The following SBNO2 variants were observed in gnomAD, a reference collection of about 807,000 sequenced individuals.
SBNO2 encodes the protein protein strawberry notch homolog 2.
SBNO2 carries 89 observed loss-of-function variants against 146.3 expected under a neutral mutation model. That is an observed-to-expected ratio of 0.61 (90% confidence interval 0.51 to 0.73). The LOEUF is 0.73. Ranked by LOEUF, SBNO2 falls within the 30% of genes least tolerant of loss-of-function variation. The pLI, the probability that SBNO2 is intolerant of heterozygous loss-of-function variation, is 0.00. For missense variants in SBNO2, 2,092 were observed against 2,003.7 expected (o/e 1.04, Z -0.84); for synonymous variants, 1,147 against 892.6 (o/e 1.29, Z -5.08).
chr19:1,158,954 T>C lies in SBNO2; in HGVS notation c.-126-4552A>G, dbSNP rs1180516308. ...GCAGCCGCGACCCCACCTGCAGCCGTGACCCCACTTGCAGCTGCAACCGCC... is the reference window on the plus strand; with the variant it reads ...GCAGCCGCGACCCCACCTGCAGCCGCGACCCCACTTGCAGCTGCAACCGCC... On this transcript the variant is annotated intron_variant, in intron 1 of 31. Coordinates refer to ENST00000361757, the MANE Select transcript of SBNO2 (RefSeq NM_014963.3). The surrounding 1 kb of genome is among the most constrained non-coding windows in gnomAD (Gnocchi z 9.9). Among the ~76,000 whole-genome samples the C allele has an allele frequency of 1.4e-5, 2 of 138,428 alleles. No individual in the cohort carries two copies. Among genetic ancestry groups the C allele is most frequent in the African/African-American group, 2.8e-5 (1 of 35,466 alleles). The allele number at this position is 138,428 out of a possible 152,430, so 90.8% of individuals were successfully genotyped here.
intron 5 of SBNO2, 94 bp from the exon 6 acceptor site, chr19:1,124,116 T>G (rs774487492): frequency 5.1e-6 from 6 of 1,176,554 alleles, no homozygotes; most frequent in Non-Finnish European, 7.4e-6. Flanking sequence ...GGCTCCCCAC[T>G]GCCCCGTCCT....
At chr19:1,122,842 C>T (rs998614762) in intron 8 of SBNO2, 51 bp from the exon 9 acceptor site, 16 of 1,537,302 alleles carry the variant, frequency 1.0e-5, no homozygotes, top group Non-Finnish European at 1.4e-5. Context: ...CCCGGCCCCT[C>T]CCCAGGGGCC....
intron 1 of SBNO2, among the ~76,000 whole-genome samples, chr19:1,163,150 G>A (rs1271350314): frequency 6.6e-6 from 1 of 152,210 alleles, no homozygotes; most frequent in Non-Finnish European, 1.5e-5. Context: ...CCTGTGGGTG[G>A]GGCCTTATTT....
At chr19:1,135,793 G>T (rs1346095922) in intron 4 of SBNO2, among the ~76,000 whole-genome samples, 1 of 152,170 alleles carries the variant, frequency 6.6e-6, no homozygotes, top group Non-Finnish European at 1.5e-5. Flanking sequence ...AGGGGGCTGG[G>T]GGGCAGACAG....
chr19:1,132,861 C>T (rs1318774172), intron 4 of SBNO2, among the ~76,000 whole-genome samples: 1 of 152,230 alleles, frequency 6.6e-6, no homozygotes, highest in Non-Finnish European at 1.5e-5. Flanking sequence ...CTGGCCAGAC[C>T]CGGCCTCGGC....
In SBNO2 at chr19:1,108,188, G is replaced by A. The variant is rs1053767709; in HGVS notation, c.*32C>T. The A allele has an allele frequency of 7.9e-6, 12 of 1,512,522 alleles. No individual in the cohort carries two copies. The highest frequency in any genetic ancestry group is 1.4e-5 in the African/African-American group (1 of 69,544). 93.7% of individuals were successfully genotyped at this position (1,512,522 alleles called of 1,614,324 possible). A position where few individuals can be genotyped will look rare whatever the true frequency, so the allele number is the denominator to read the frequency against. ...TGCTCCTAGGGGAGAAACGGTCCCT[G>A]TGTCTTGGGGCATGTTTCGCCTAAA... On this transcript the variant is annotated 3_prime_UTR_variant, in exon 32 of 32. Transcript: ENST00000361757.
chr19:1,142,613 G>A (rs1220327462), intron 4 of SBNO2, among the ~76,000 whole-genome samples: 3 of 152,230 alleles, frequency 2.0e-5, no homozygotes, highest in East Asian at 1.9e-4. Flanking sequence ...TTGGGAGGCA[G>A]AGGTTGCAGT....
Position 1,144,812 on chromosome 19 carries a change from AGAGACAGAGAGG to A in SBNO2, c.279+2485_279+2496del, listed in dbSNP as rs1163302768. 4.6e-5 allele frequency among the ~76,000 whole-genome samples: 7 copies of A among 151,094 alleles called. No homozygotes were observed. The highest frequency in any genetic ancestry group is 1.5e-4 in the African/African-American group (6 of 40,942). ...GAGACAGAGAGGGAGACAGAGAGAC[AGAGACAGAGAGG>A]GAGACAGAGAGACAGGGGCAGAGAC... is the stretch of plus-strand genomic sequence containing the variant. On this transcript the variant is annotated intron_variant, in intron 4 of 31. Transcript: ENST00000361757. The surrounding 1 kb of genome is among the most constrained non-coding windows in gnomAD (Gnocchi z 4.1).
At position 1,150,998 on chromosome 19, in the gene SBNO2, C is replaced by A. The variant is rs1000011064; in HGVS notation, c.94-1556G>T. Among the ~76,000 whole-genome samples, 1 of 152,266 alleles carries A rather than the reference C, an allele frequency of 6.6e-6. No homozygotes were observed. Among genetic ancestry groups the A allele is most frequent in the Non-Finnish European group, 1.5e-5 (1 of 68,040 alleles). On this transcript the variant is annotated intron_variant, in intron 2 of 31. Coordinates refer to ENST00000361757, the MANE Select transcript of SBNO2 (RefSeq NM_014963.3). The surrounding 1 kb of genome is among the most constrained non-coding windows in gnomAD (Gnocchi z 6.2). The stretch of plus-strand genomic sequence containing the variant: ...AGCCTGGGCACCCTGAGCTCCTGCA[C>A]CCGTGAGAAGACCCCGTGCAAGTGG...
chr19:1,167,508 G>A (rs1411397548), intron 1 of SBNO2, among the ~76,000 whole-genome samples: 4 of 152,208 alleles, frequency 2.6e-5, no homozygotes, highest in Admixed American at 6.5e-5. Context: ...CCCTGCTTTC[G>A]GGGAGCCACG....
Position 1,109,844 on chromosome 19 carries a change from C to A in SBNO2, c.3029-67G>T. ...ACTGTGGGCTGGGGCCAGGGTCAGT[C>A]CCGTAGCCGGGGCGCACCCTAGAGA... On this transcript the variant is annotated intron_variant, in intron 26 of 31. Coordinates refer to ENST00000361757, the MANE Select transcript of SBNO2 (RefSeq NM_014963.3). The surrounding 1 kb of genome is among the most constrained non-coding windows in gnomAD (Gnocchi z 4.2). 2 of 1,274,088 alleles carry A rather than the reference C, an allele frequency of 1.6e-6. No homozygotes were observed. Among genetic ancestry groups the A allele is most frequent in the Non-Finnish European group, 2.2e-6 (2 of 912,870 alleles). 78.9% of individuals were successfully genotyped at this position (1,274,088 alleles called of 1,614,324 possible). A position where few individuals can be genotyped will look rare whatever the true frequency, so the allele number is the denominator to read the frequency against.
intron 15 of SBNO2, 113 bp from the exon 16 acceptor site, chr19:1,117,039 G>C: frequency 9.4e-7 from 1 of 1,062,186 alleles, no homozygotes; most frequent in Non-Finnish European, 1.4e-6. Flanking sequence ...TGCTGTGCTC[G>C]CCTCCCCAGG....
chr19:1,171,262 CAG>C (rs2080474706), intron 1 of SBNO2, among the ~76,000 whole-genome samples: 1 of 152,150 alleles, frequency 6.6e-6, no homozygotes, highest in African/African-American at 2.4e-5. Context: ...AACACACACA[CAG>C]AACGCGCACA....
In SBNO2 at chr19:1,133,463, C is replaced by T. The variant is rs149832780; in HGVS notation, c.280-5698G>A. The stretch of plus-strand genomic sequence containing the variant: ...TGTGCACTCCGCCCCCTCGGGCTCA[C>T]CCTGTTCTAGACCCTGAGGCCCTGT... On this transcript the variant is annotated intron_variant, in intron 4 of 31. Coordinates refer to ENST00000361757, the MANE Select transcript of SBNO2 (RefSeq NM_014963.3). Among the ~76,000 whole-genome samples, 1,101 of 151,060 alleles carry T rather than the reference C, an allele frequency of 7.3e-3. 17 individuals are homozygous for T. The highest frequency in any genetic ancestry group is 0.026 in the African/African-American group (1,036 of 40,604).
Position 1,119,600 on chromosome 19 carries a change from A to G in SBNO2, c.1289T>C (p.Met430Thr). 1.9e-6 allele frequency: 3 copies of G among 1,608,440 alleles called. No individual in the cohort carries two copies. Among genetic ancestry groups the G allele is most frequent in the Non-Finnish European group, 2.5e-6 (3 of 1,177,128 alleles). ...GATACCCAAGCGGCTCATGTAGATC[A>G]TGTTCCGAGGCTCAGAGGCACCTGT... ...SATGASEPRN[M>T]IYMSRLGIWG... Residue 430 changes from methionine (M) to threonine (T), a missense_variant, in exon 13 of 32, where the codon ATG (methionine) becomes ACG (threonine). By Grantham distance (81) the Met-to-Thr change is moderately conservative. Coordinates refer to ENST00000361757, the MANE Select transcript of SBNO2 (RefSeq NM_014963.3).
At chr19:1,161,819 T>C (rs1380131729) in intron 1 of SBNO2, among the ~76,000 whole-genome samples, 1 of 150,292 alleles carries the variant, frequency 6.7e-6, no homozygotes, top group African/African-American at 2.4e-5. Flanking sequence ...GTGGGTGTCA[T>C]GGCTCTGCTG....
chr19:1,122,318 C>G lies in SBNO2; in HGVS notation c.1006-36G>C, dbSNP rs373984063. 2.6e-6 allele frequency: 4 copies of G among 1,532,756 alleles called. 1 individual carries two copies. Among genetic ancestry groups the G allele is most frequent in the South Asian group, 2.5e-5 (2 of 79,250 alleles). 94.9% of individuals were successfully genotyped at this position (1,532,756 alleles called of 1,614,324 possible). On this transcript the variant is annotated intron_variant, in intron 10 of 31. Coordinates refer to ENST00000361757, the MANE Select transcript of SBNO2 (RefSeq NM_014963.3). ...ACAGAACAGGTGTGGAATGGGGCCC[C>G]GGCTCAGCAGGCTCTGGACCTGGGT... is the stretch of plus-strand genomic sequence containing the variant.
intron 23 of SBNO2, among the ~76,000 whole-genome samples, 188 bp downstream of exon 23, chr19:1,111,808 T>C (rs1305846788): frequency 1.7e-5 from 2 of 117,946 alleles, no homozygotes; most frequent in Non-Finnish European, 3.6e-5. Context: ...CCCAGACCCC[T>C]GGATGCCACC....
Position 1,108,466 on chromosome 19 carries a change from G to C in SBNO2, c.3855C>G (p.Gly1285=), listed in dbSNP as rs1159528009. The C allele has an allele frequency of 1.1e-5, 14 of 1,227,700 alleles. No homozygotes were observed. Among genetic ancestry groups the C allele is most frequent in the Non-Finnish European group, 1.3e-5 (13 of 980,916 alleles). The allele number at this position is 1,227,700 out of a possible 1,614,324, so 76.1% of individuals were successfully genotyped here. ...SFPAPLSLDA[G]PGVVPLGTPD... ...GGGTGCCCAGCGGCACGACGCCGGG[G>C]CCGGCGTCCAGGGACAGCGGCGCCG... Residue 1285 remains glycine, a synonymous_variant, in exon 32 of 32, where the codon GGC becomes GGG. Transcript: ENST00000361757.
Sources: allele counts gnomAD v4.1 joint callset (sites outside exome capture counted in the v4.1 genomes callset), GRCh38; gene constraint gnomAD v4.1.1; non-coding constraint Gnocchi (gnomAD v3.1); transcripts MANE v1.5; gene names NCBI Gene and HGNC (gene_info 2026-07-23, HGNC 2026-07-21).